The following ITFG1 variants were observed in gnomAD, a reference collection of about 807,000 sequenced individuals.
ITFG1 encodes the protein T-cell immunomodulatory protein.
Under a neutral mutation model 81.8 loss-of-function variants are expected in ITFG1, and 34 were observed. The ratio of observed to expected loss-of-function variants is 0.42; its 90% CI spans 0.32 to 0.55. ITFG1 has a LOEUF of 0.55. Among genes scored for constraint, ITFG1 ranks in the 20% least tolerant of loss-of-function variants. The probability of loss-of-function intolerance (pLI) is 0.17; values close to 1 mark genes in which losing one functional copy is unlikely to be tolerated. For missense variants in ITFG1, 672 were observed against 755.4 expected, an observed-to-expected ratio of 0.89 and a Z score of 1.29; for synonymous variants, 285 against 270.6, an observed-to-expected ratio of 1.05 and a Z score of -0.52.
intron 13 of ITFG1, among the ~76,000 whole-genome samples, chr16:47,234,446 G>A (rs995641027): frequency 6.6e-6 from 1 of 152,074 alleles, no homozygotes; most frequent in Non-Finnish European, 1.5e-5. Context: ...CACGTAGTAG[G>A]AATACAAGAA....
chr16:47,233,911 G>A (rs1054583042), intron 13 of ITFG1, among the ~76,000 whole-genome samples: 5 of 152,106 alleles, frequency 3.3e-5, no homozygotes, highest in East Asian at 1.9e-4. Context: ...AGTCTGTAGC[G>A]AAACCGACAC....
intron 8 of ITFG1, among the ~76,000 whole-genome samples, chr16:47,356,580 T>C (rs1968042982): frequency 6.6e-6 from 1 of 152,178 alleles, no homozygotes; most frequent in African/African-American, 2.4e-5. Context: ...GAATAAGTGA[T>C]AAGTAGTAAA....
intron 10 of ITFG1, among the ~76,000 whole-genome samples, chr16:47,271,656 G>A (rs1266615088): frequency 6.6e-6 from 1 of 152,160 alleles, no homozygotes; most frequent in South Asian, 2.1e-4. Context: ...TCAGGAGATT[G>A]AGACCATCTG....
rs1164065207 is a variant in ITFG1 at position 47,260,783 on chromosome 16, G to A, written c.1071-88C>T. ...AGTATTTCCTAGATTAAAAGGAGACGGTAAACGGTACACAGTGAAATTACA... is the reference window on the plus strand; with the variant it reads ...AGTATTTCCTAGATTAAAAGGAGACAGTAAACGGTACACAGTGAAATTACA... On this transcript the variant is annotated intron_variant, in intron 10 of 17. Transcript: ENST00000320640. 25 of 1,325,066 alleles carry A rather than the reference G, an allele frequency of 1.9e-5. No individual in the cohort carries two copies. The East Asian group carries it at 4.4e-4, about 23-fold the overall frequency. The allele number at this position is 1,325,066 out of a possible 1,614,324, so 82.1% of individuals were successfully genotyped here. A position where few individuals can be genotyped will look rare whatever the true frequency, so the allele number is the denominator to read the frequency against.
At chr16:47,430,964 A>G (rs1969088407) in intron 5 of ITFG1, among the ~76,000 whole-genome samples, 1 of 152,262 alleles carries the variant, frequency 6.6e-6, no homozygotes, top group Non-Finnish European at 1.5e-5. Flanking sequence ...AATGTCATAT[A>G]TCTATACAAT....
Position 47,401,326 on chromosome 16 carries a change from C to T in ITFG1, c.656-25386G>A, listed in dbSNP as rs139094092. Among the ~76,000 whole-genome samples the T allele has an allele frequency of 4.2e-3, 641 of 152,164 alleles. 6 individuals are homozygous for T. The highest frequency in any genetic ancestry group is 0.015 in the African/African-American group (607 of 41,498). ...TATCTGTGGGATATGGGGTGAAATC[C>T]GTGAGAGGTCTAGAATAAGATACAT... On this transcript the variant is annotated intron_variant, in intron 6 of 17. Transcript: ENST00000320640.
Position 47,433,027 on chromosome 16 carries a change from G to A in ITFG1, c.561-4129C>T, listed in dbSNP as rs914803446. 3.9e-5 allele frequency among the ~76,000 whole-genome samples: 6 copies of A among 152,292 alleles called. No homozygotes were observed. The East Asian group carries it at 5.8e-4, about 15-fold the overall frequency. ...AGTAAAGCTCAATGAGGTTGATCACGTGGCTCTGTCTCTAACCTGAGCAGT... is the reference window on the plus strand; with the variant it reads ...AGTAAAGCTCAATGAGGTTGATCACATGGCTCTGTCTCTAACCTGAGCAGT... On this transcript the variant is annotated intron_variant, in intron 5 of 17. Transcript: ENST00000320640.
At chr16:47,434,256 C>G (rs1173009115) in intron 5 of ITFG1, among the ~76,000 whole-genome samples, 1 of 151,702 alleles carries the variant, frequency 6.6e-6, no homozygotes, top group Non-Finnish European at 1.5e-5. Flanking sequence ...AAACTATCAT[C>G]AGGGTGAACT....
chr16:47,202,021 A>T (rs1965430253), intron 14 of ITFG1: 1 of 152,198 alleles, frequency 6.6e-6, no homozygotes, highest in Non-Finnish European at 1.5e-5. Flanking sequence ...TACAAAGGAG[A>T]CATAACAGTG....
chr16:47,165,155 A>G (rs1225142559), intron 14 of ITFG1, among the ~76,000 whole-genome samples: 4 of 152,222 alleles, frequency 2.6e-5, no homozygotes, highest in Non-Finnish European at 5.9e-5. Context: ...TTTATACAAT[A>G]TATGTATTTT....
chr16:47,253,084 G>T (rs1052044004), intron 12 of ITFG1, among the ~76,000 whole-genome samples: 1 of 152,054 alleles, frequency 6.6e-6, no homozygotes, highest in African/African-American at 2.4e-5. Context: ...TCTCAGCTTG[G>T]AGATGTGTGG....
At position 47,314,434 on chromosome 16, in the gene ITFG1, A is replaced by T. The variant is rs187834627; in HGVS notation, c.803-611T>A. 2.0e-5 allele frequency among the ~76,000 whole-genome samples: 3 copies of T among 152,336 alleles called. No individual in the cohort carries two copies. In the East Asian group the frequency reaches 5.8e-4, roughly 29 times the overall value. ...ATGAACTTCGATCCAAGAGTTATAA[A>T]GCCCTCAACACTCTGGCTTCTTAAA... On this transcript the variant is annotated intron_variant, in intron 8 of 17. Coordinates refer to ENST00000320640, the MANE Select transcript of ITFG1 (RefSeq NM_030790.5).
At chr16:47,291,160 T>C (rs1219432259) in intron 10 of ITFG1, among the ~76,000 whole-genome samples, 1 of 152,196 alleles carries the variant, frequency 6.6e-6, no homozygotes, top group Non-Finnish European at 1.5e-5. Flanking sequence ...ATAGTATTCT[T>C]TGGTTTTTAC....
At chr16:47,298,198 T>C (rs1967013959) in intron 10 of ITFG1, among the ~76,000 whole-genome samples, 1 of 152,216 alleles carries the variant, frequency 6.6e-6, no homozygotes, top group African/African-American at 2.4e-5. Flanking sequence ...ATCTCGTTGG[T>C]ACACTTGTCA....
intron 15 of ITFG1, 93 bp downstream of exon 15, chr16:47,162,446 CA>C: frequency 9.1e-7 from 1 of 1,094,498 alleles, no homozygotes; most frequent in Non-Finnish European, 1.3e-6. Flanking sequence ...TATTTGAATT[CA>C]AATTCAATTA....
chr16:47,237,305 G>A (rs1299889466), intron 13 of ITFG1, among the ~76,000 whole-genome samples: 4 of 152,158 alleles, frequency 2.6e-5, no homozygotes, highest in Non-Finnish European at 5.9e-5. Flanking sequence ...ACAGCTCCAT[G>A]ACTTTGGATA....
Position 47,258,704 on chromosome 16 carries a change from T to G in ITFG1, c.1258A>C (p.Thr420Pro). ...GTATGAATGGCAAAATCATTCTTTG[T>G]ATATCCTTTACTTAGCACTACAATG... Reference protein sequence around the residue: ...LDIVVLSKGYTKNDFAIHTLK... With the variant: ...LDIVVLSKGYPKNDFAIHTLK... Residue 420 changes from threonine (T) to proline (P), a missense_variant, in exon 12 of 18, where the codon ACA (threonine) becomes CCA (proline). By Grantham distance (38) the Thr-to-Pro change is conservative. Transcript: ENST00000320640. 6 of 1,558,096 alleles carry G rather than the reference T, an allele frequency of 3.9e-6. No individual in the cohort carries two copies. The South Asian group carries it at 5.8e-5, about 15-fold the overall frequency.
intron 10 of ITFG1, among the ~76,000 whole-genome samples, chr16:47,263,756 C>A (rs1406911331): frequency 6.6e-6 from 1 of 151,748 alleles, no homozygotes; most frequent in Non-Finnish European, 1.5e-5. Flanking sequence ...TAAATAAATA[C>A]ATACATACAT....
chr16:47,320,724 C>T (rs996603819), intron 8 of ITFG1, among the ~76,000 whole-genome samples: 1 of 152,130 alleles, frequency 6.6e-6, no homozygotes, highest in Non-Finnish European at 1.5e-5. Context: ...AGTCCATTAT[C>T]CCTATCTAGC....
Sources: allele counts gnomAD v4.1 joint callset (sites outside exome capture counted in the v4.1 genomes callset), GRCh38; gene constraint gnomAD v4.1.1; transcripts MANE v1.5; gene names NCBI Gene and HGNC (gene_info 2026-07-23, HGNC 2026-07-21).